Variants in EFNA5 observed in about 807,000 individuals in gnomAD.
EFNA5 encodes ephrin-A5.
A neutral mutation model predicts 22.9 loss-of-function variants in EFNA5; 5 were observed. The ratio of observed to expected loss-of-function variants is 0.22; its 90% CI spans 0.11 to 0.46. The LOEUF (loss-of-function observed/expected upper bound fraction) is 0.46. Ranked by LOEUF, EFNA5 falls within the 20% of genes least tolerant of loss-of-function variation. The probability of loss-of-function intolerance (pLI) is 0.99; values close to 1 mark genes in which losing one functional copy is unlikely to be tolerated. For missense variants in EFNA5, 237 were observed against 293.3 expected (o/e 0.81, Z 1.40); for synonymous variants, 113 against 112.2 (o/e 1.01, Z -0.04).
intron 1 of EFNA5, among the ~76,000 whole-genome samples, chr5:107,624,525 G>T (rs1398545290): frequency 1.3e-5 from 2 of 152,086 alleles, no homozygotes; most frequent in African/African-American, 2.4e-5. Context: ...ATGTGGTCCA[G>T]CACAGGTGTC....
At chr5:107,542,329 C>A (rs561824785) in intron 1 of EFNA5, among the ~76,000 whole-genome samples, 11 of 152,338 alleles carry the variant, frequency 7.2e-5, no homozygotes, top group African/African-American at 2.6e-4. Flanking sequence ...AGTTCCATTT[C>A]TCTGGTCCTA....
At chr5:107,564,297 C>T (rs1399209207) in intron 1 of EFNA5, among the ~76,000 whole-genome samples, 1 of 152,172 alleles carries the variant, frequency 6.6e-6, no homozygotes, top group Non-Finnish European at 1.5e-5. Context: ...CCTAGCCTTC[C>T]CTCCATTCTG....
At chr5:107,576,118 G>A (rs1039763510) in intron 1 of EFNA5, among the ~76,000 whole-genome samples, 6 of 152,094 alleles carry the variant, frequency 3.9e-5, no homozygotes, top group African/African-American at 7.2e-5. Context: ...CAAATGCATC[G>A]GCAGGGTACA....
intron 1 of EFNA5, among the ~76,000 whole-genome samples, chr5:107,501,365 T>C (rs140527761): frequency 2.4e-4 from 37 of 152,334 alleles, no homozygotes; most frequent in African/African-American, 8.2e-4. Context: ...TCTTATTTTA[T>C]CTGTGTAACA....
intron 2 of EFNA5, among the ~76,000 whole-genome samples, chr5:107,399,190 G>A (rs766540417): frequency 1.3e-5 from 2 of 151,934 alleles, no homozygotes; most frequent in Non-Finnish European, 2.9e-5. Context: ...GGTGGCTCAC[G>A]CCTGTAATCC....
chr5:107,511,397 A>G (rs1024465988), intron 1 of EFNA5, among the ~76,000 whole-genome samples: 1 of 152,206 alleles, frequency 6.6e-6, no homozygotes, highest in African/African-American at 2.4e-5. Flanking sequence ...ATATTTGAAC[A>G]CATTTTTAAA....
intron 1 of EFNA5, among the ~76,000 whole-genome samples, chr5:107,664,766 G>A (rs1751033866): frequency 6.6e-6 from 1 of 152,102 alleles, no homozygotes; most frequent in Non-Finnish European, 1.5e-5. Context: ...CTGTGCTTAG[G>A]GAAATTGAGG....
At chr5:107,653,207 T>C (rs529366285) in intron 1 of EFNA5, among the ~76,000 whole-genome samples, 6 of 152,138 alleles carry the variant, frequency 3.9e-5, no homozygotes, top group African/African-American at 9.6e-5. Context: ...ACCCAAAGGT[T>C]TCACTCAGAA....
chr5:107,411,334 C>CA (rs1032202894), intron 2 of EFNA5, among the ~76,000 whole-genome samples: 5 of 152,044 alleles, frequency 3.3e-5, no homozygotes, highest in South Asian at 2.1e-4. Context: ...AACAAACCAA[C>CA]AAAAAAAATA....
chr5:107,626,182 G>A (rs936613076), intron 1 of EFNA5, among the ~76,000 whole-genome samples: 2 of 150,762 alleles, frequency 1.3e-5, no homozygotes. Context: ...ACAAATGGTT[G>A]TTAATAACTT....
intron 1 of EFNA5, among the ~76,000 whole-genome samples, chr5:107,507,311 A>G (rs1223346089): frequency 1.3e-5 from 2 of 152,198 alleles, no homozygotes; most frequent in Admixed American, 6.6e-5. Flanking sequence ...ACTATGGTTG[A>G]CTGCTTTGCC....
chr5:107,607,120 G>A (rs1371880350), intron 1 of EFNA5, among the ~76,000 whole-genome samples: 3 of 152,164 alleles, frequency 2.0e-5, no homozygotes, highest in Non-Finnish European at 4.4e-5. Context: ...TGTTTAAAAT[G>A]CTAAAAATCT....
chr5:107,473,070 C>A (rs1440023453), intron 1 of EFNA5, among the ~76,000 whole-genome samples: 1 of 152,098 alleles, frequency 6.6e-6, no homozygotes, highest in East Asian at 1.9e-4. Flanking sequence ...ATTCCAGGGA[C>A]CCCAGCCACC....
At chr5:107,570,243 T>C (rs895502297) in intron 1 of EFNA5, among the ~76,000 whole-genome samples, 2 of 152,220 alleles carry the variant, frequency 1.3e-5, no homozygotes, top group Non-Finnish European at 2.9e-5. Context: ...TGGCCTTCAG[T>C]TGGTTCCAAA....
At chr5:107,499,108 A>G (rs1418204459) in intron 1 of EFNA5, among the ~76,000 whole-genome samples, 1 of 152,180 alleles carries the variant, frequency 6.6e-6, no homozygotes, top group African/African-American at 2.4e-5. Flanking sequence ...AAGCACATAG[A>G]TTTTGGTTAG....
chr5:107,530,026 T>C (rs749720694), intron 1 of EFNA5, among the ~76,000 whole-genome samples: 13 of 152,220 alleles, frequency 8.5e-5, no homozygotes, highest in Non-Finnish European at 1.8e-4. Flanking sequence ...AGGGTTAGGA[T>C]TTATTACAGA....
intron 1 of EFNA5, among the ~76,000 whole-genome samples, chr5:107,482,862 CTCTCTCTCTATA>C (rs1179589072): frequency 0.014 from 1,079 of 75,898 alleles, 8 homozygotes; most frequent in African/African-American, 0.065. Context: ...CTCTCTCTCT[CTCTCTCTCTATA>C]TATATATATA....
At chr5:107,484,365 C>T (rs183371340) in intron 1 of EFNA5, among the ~76,000 whole-genome samples, 10 of 152,250 alleles carry the variant, frequency 6.6e-5, no homozygotes, top group Non-Finnish European at 1.0e-4. Flanking sequence ...TTTCCAGCAA[C>T]GGTAACAATG....
chr5:107,484,647 G>C (rs532241980), intron 1 of EFNA5, among the ~76,000 whole-genome samples: 5 of 152,290 alleles, frequency 3.3e-5, no homozygotes, highest in African/African-American at 1.2e-4. Context: ...AGGAAACTCA[G>C]CTCTGCCACT....
Sources: gnomAD v4.1 joint callset for allele counts (sites outside exome capture counted in the v4.1 genomes callset) on GRCh38, gnomAD v4.1.1 for gene constraint, MANE v1.5 for transcripts, NCBI Gene and HGNC (gene_info 2026-07-23, HGNC 2026-07-21) for gene names.